GTF2A1: variants seen among roughly 807,000 people sequenced by gnomAD.
GTF2A1 encodes the protein general transcription factor IIA subunit 1.
Under a neutral mutation model 54.1 loss-of-function variants are expected in GTF2A1, and 12 were observed. That is an observed-to-expected ratio of 0.22 (90% CI 0.14 to 0.36). The LOEUF is 0.36. GTF2A1 is among the 10% of genes least tolerant of loss of function. The pLI is 1.00. For synonymous variants in GTF2A1, 145 were observed against 152.0 expected (o/e 0.95, Z 0.34); for missense variants, 335 against 442.2 (o/e 0.76, Z 2.17).
Position 81,192,510 on chromosome 14 carries a change from G to C in GTF2A1, c.933+9C>G, listed in dbSNP as rs1322501923. 2.5e-6 allele frequency: 4 copies of C among 1,590,590 alleles called. No individual in the cohort carries two copies. Among genetic ancestry groups the C allele is most frequent in the Non-Finnish European group, 3.4e-6 (4 of 1,167,052 alleles). On this transcript the variant is annotated intron_variant, in intron 7 of 8. Coordinates refer to ENST00000553612, the MANE Select transcript of GTF2A1 (RefSeq NM_015859.4). ...GTAGATTATTTTAAGTATGTTACTA[G>C]AAACTTACTTCTTCCACCTGCCCAT...
chr14:81,207,443 G>GT (rs1338375317), intron 2 of GTF2A1, among the ~76,000 whole-genome samples: 1 of 152,184 alleles, frequency 6.6e-6, no homozygotes, highest in Admixed American at 6.5e-5. Flanking sequence ...ATGTGGAACT[G>GT]TAAGTCCAAT....
At chr14:81,213,324 T>C (rs1488929984) in intron 2 of GTF2A1, among the ~76,000 whole-genome samples, 1 of 12,676 alleles carries the variant, frequency 7.9e-5, no homozygotes, top group Admixed American at 1.4e-3. Context: ...GGTGGAAACA[T>C]TTGGTCTCAA....
chr14:81,184,620 A>G (rs1263262663), intron 8 of GTF2A1, among the ~76,000 whole-genome samples: 1 of 152,140 alleles, frequency 6.6e-6, no homozygotes, highest in African/African-American at 2.4e-5. Context: ...TATCACATTC[A>G]TTTCCATAAA....
chr14:81,219,635 T>C (rs143987000), intron 1 of GTF2A1, among the ~76,000 whole-genome samples: 3 of 152,330 alleles, frequency 2.0e-5, no homozygotes, highest in South Asian at 2.1e-4. Flanking sequence ...ACGTGTTTTA[T>C]TGTCATCATA....
intron 1 of GTF2A1, among the ~76,000 whole-genome samples, chr14:81,219,522 A>T (rs913587609): frequency 6.6e-6 from 1 of 152,368 alleles, no homozygotes; most frequent in African/African-American, 2.4e-5. Context: ...GGGACTGAAA[A>T]GCAGGGTAAG....
At chr14:81,220,379 G>C in intron 1 of GTF2A1, 110 bp downstream of exon 1, 1 of 551,092 alleles carries the variant, frequency 1.8e-6, no homozygotes, top group East Asian at 3.8e-5. Context: ...CGGCCGCGCG[G>C]GCGGCTGAAG....
rs1176855470 is a variant in GTF2A1 at position 81,176,135 on chromosome 14, CAACATTTTTTTT to C, written c.*4076_*4087del. On this transcript the variant is annotated 3_prime_UTR_variant, in exon 9 of 9. Coordinates refer to ENST00000553612, the MANE Select transcript of GTF2A1 (RefSeq NM_015859.4). ...GCCATATACTAGTAAGCAAAGCAAG[CAACATTTTTTTT>C]TAAATAACATCTTTAATTAAAGTTT... 6.6e-6 allele frequency: 1 copy of C among 151,964 alleles called. No individual in the cohort carries two copies. Among genetic ancestry groups the C allele is most frequent in the Admixed American group, 6.6e-5 (1 of 15,238 alleles). The allele number at this position is 151,964 out of a possible 1,614,324, so 9.4% of individuals were successfully genotyped here. A position where few individuals can be genotyped will look rare whatever the true frequency, so the allele number is the denominator to read the frequency against.
intron 7 of GTF2A1, among the ~76,000 whole-genome samples, chr14:81,188,208 T>C (rs1892791191): frequency 6.6e-6 from 1 of 152,216 alleles, no homozygotes; most frequent in South Asian, 2.1e-4. Context: ...AAGAGTTCTT[T>C]ATATATTCTG....
chr14:81,185,474 T>G (rs889207082), intron 8 of GTF2A1, 57 bp downstream of exon 8: 70 of 944,544 alleles, frequency 7.4e-5, no homozygotes, highest in Non-Finnish European at 6.9e-6. Flanking sequence ...GAAAGAATAA[T>G]GTAGGGAAGA....
Position 81,204,066 on chromosome 14 carries a change from A to T in GTF2A1, c.171T>A (p.Asp57Glu). 1 of 1,613,812 alleles carries T rather than the reference A, an allele frequency of 6.2e-7. No homozygotes were observed. The highest frequency in any genetic ancestry group is 8.5e-7 in the Non-Finnish European group (1 of 1,179,730). Residue 57 changes from aspartate (D) to glutamate (E), a missense_variant, in exon 3 of 9, where the codon GAT becomes GAA. Asp to Glu is a conservative substitution (Grantham distance 45). This residue lies in a region of GTF2A1 where 306 missense variants were observed against 360.4 expected (regional missense o/e 0.85). Coordinates refer to ENST00000553612, the MANE Select transcript of GTF2A1 (RefSeq NM_015859.4). ...GCTGCTGCTCTTCTGAATGAAATCC[A>T]TCTACTGCCCTGGACTGCATTAGTT... ...ENKLMQSRAV[D>E]GFHSEEQQLL...
intron 6 of GTF2A1, among the ~76,000 whole-genome samples, chr14:81,194,816 A>C (rs1397442299): frequency 1.3e-5 from 2 of 152,244 alleles, no homozygotes; most frequent in African/African-American, 4.8e-5. Flanking sequence ...TCTTCTCAGT[A>C]GGCAATGAAA....
chr14:81,211,424 T>G (rs546465043), intron 2 of GTF2A1, among the ~76,000 whole-genome samples: 1 of 152,316 alleles, frequency 6.6e-6, no homozygotes, highest in East Asian at 1.9e-4. Context: ...ATATGTCACA[T>G]AGAGGCAAAA....
intron 2 of GTF2A1, among the ~76,000 whole-genome samples, chr14:81,207,151 C>G (rs796602346): frequency 5.4e-5 from 6 of 111,190 alleles, no homozygotes; most frequent in African/African-American, 7.9e-5. Flanking sequence ...ACCTACCTAC[C>G]TACCTACCTA....
chr14:81,212,930 T>C, intron 2 of GTF2A1, among the ~76,000 whole-genome samples: 1 of 152,230 alleles, frequency 6.6e-6, no homozygotes, highest in East Asian at 1.9e-4. Context: ...TGTCCAGCTG[T>C]TAAATCTAGG....
intron 7 of GTF2A1, among the ~76,000 whole-genome samples, chr14:81,190,042 T>C (rs768054813): frequency 1.3e-5 from 2 of 152,070 alleles, no homozygotes; most frequent in Non-Finnish European, 2.9e-5. Context: ...ATATTAGGAA[T>C]GAAGATGACA....
At chr14:81,187,518 C>T (rs1037619647) in intron 7 of GTF2A1, among the ~76,000 whole-genome samples, 2 of 152,172 alleles carry the variant, frequency 1.3e-5, no homozygotes, top group Non-Finnish European at 2.9e-5. Flanking sequence ...ATTAAGCTGT[C>T]ACTCCCCATT....
At chr14:81,181,676 C>G (rs1471485506) in intron 8 of GTF2A1, among the ~76,000 whole-genome samples, 1 of 152,178 alleles carries the variant, frequency 6.6e-6, no homozygotes, top group African/African-American at 2.4e-5. Flanking sequence ...TCCTGAGTAG[C>G]TGGGATTACA....
chr14:81,212,059 C>A (rs1893383727), intron 2 of GTF2A1, among the ~76,000 whole-genome samples: 2 of 151,780 alleles, frequency 1.3e-5, no homozygotes, highest in African/African-American at 4.8e-5. Flanking sequence ...TAACATTCTA[C>A]AATCAATAGG....
chr14:81,220,606 G>A lies in GTF2A1; in HGVS notation c.-88C>T. On this transcript the variant is annotated 5_prime_UTR_variant, in exon 1 of 9. Transcript: ENST00000553612. ...AAAAAAAAAAACTATAACACCCGGAGGGTGACCCAAATCACCGCAAGATTG... is the reference window on the plus strand; with the variant it reads ...AAAAAAAAAAACTATAACACCCGGAAGGTGACCCAAATCACCGCAAGATTG... 3 of 1,103,390 alleles carry A rather than the reference G, an allele frequency of 2.7e-6. No homozygotes were observed. The highest frequency in any genetic ancestry group is 2.9e-5 in the East Asian group (1 of 34,970). 68.3% of individuals were successfully genotyped at this position (1,103,390 alleles called of 1,614,324 possible). A position where few individuals can be genotyped will look rare whatever the true frequency, so the allele number is the denominator to read the frequency against.
Sources: gnomAD v4.1 joint callset for allele counts (sites outside exome capture counted in the v4.1 genomes callset) on GRCh38, gnomAD v4.1.1 for gene constraint, gnomAD v4.1.1 regional missense constraint, MANE v1.5 for transcripts, NCBI Gene and HGNC (gene_info 2026-07-23, HGNC 2026-07-21) for gene names.